Variants in CLASP1 observed in about 807,000 individuals in gnomAD.
CLASP1 encodes cytoplasmic linker associated protein 1.
CLASP1 carries 38 observed loss-of-function variants against 192.3 expected under a neutral mutation model. The ratio of observed to expected loss-of-function variants is 0.20; its 90% CI spans 0.15 to 0.26. The LOEUF (loss-of-function observed/expected upper bound fraction) is 0.26. CLASP1 is among the 10% of genes least tolerant of loss of function. The pLI is 1.00. For synonymous variants in CLASP1, 691 were observed against 712.8 expected (o/e 0.97, Z 0.49); for missense variants, 1,433 against 1,932.5 (o/e 0.74, Z 4.85).
chr2:121,593,095 A>AAG (rs1402654772), intron 2 of CLASP1, among the ~76,000 whole-genome samples: 1 of 152,208 alleles, frequency 6.6e-6, no homozygotes, highest in Non-Finnish European at 1.5e-5. Flanking sequence ...TTTTTGAAGA[A>AAG]ACCTGGCAAA....
chr2:121,493,538 A>C (rs2093407637), intron 8 of CLASP1, among the ~76,000 whole-genome samples: 1 of 152,212 alleles, frequency 6.6e-6, no homozygotes, highest in Non-Finnish European at 1.5e-5. Flanking sequence ...CAAACTATAA[A>C]ACTACTAAAA....
intron 34 of CLASP1, among the ~76,000 whole-genome samples, chr2:121,369,174 A>G (rs1235684228): frequency 1.3e-5 from 2 of 152,302 alleles, no homozygotes; most frequent in East Asian, 1.9e-4. Context: ...TGCTGCTATG[A>G]CACACTGGTG....
At chr2:121,482,043 CG>C (rs2092635449) in intron 8 of CLASP1, among the ~76,000 whole-genome samples, 1 of 152,174 alleles carries the variant, frequency 6.6e-6, no homozygotes, top group Non-Finnish European at 1.5e-5. Flanking sequence ...AACCAACCCT[CG>C]GATGTGACCC....
intron 8 of CLASP1, chr2:121,470,293 C>CTTT (rs70954550): frequency 0.024 from 7,525 of 307,986 alleles, 541 homozygotes; most frequent in Middle Eastern, 0.044. Flanking sequence ...ACCATCCATG[C>CTTT]TTTTTTTTTT....
rs1261636018 is a variant in CLASP1, at chr2:121,627,175, G to A, written c.-285-20995C>T. ...AAGACACAGCACAGCAGGAAAAGAG[G>A]AGAAACAACAAAATATGCGTAACCA... On this transcript the variant is annotated intron_variant, in intron 1 of 39. Transcript: ENST00000263710. Among the ~76,000 whole-genome samples, 4 of 152,306 alleles carry A rather than the reference G, an allele frequency of 2.6e-5. No homozygotes were observed. In the East Asian group the frequency reaches 5.8e-4, roughly 22 times the overall value.
intron 8 of CLASP1, among the ~76,000 whole-genome samples, chr2:121,498,754 A>T (rs899562391): frequency 6.6e-6 from 1 of 152,188 alleles, no homozygotes; most frequent in Non-Finnish European, 1.5e-5. Context: ...TGGGCAAAAG[A>T]TTTATTTGAA....
chr2:121,509,505 T>TG (rs2094048191), intron 7 of CLASP1, among the ~76,000 whole-genome samples: 1 of 152,122 alleles, frequency 6.6e-6, no homozygotes, highest in Non-Finnish European at 1.5e-5. Context: ...CATGGAACAT[T>TG]ATCCAGGAGT....
chr2:121,568,061 C>G (rs2059661603), intron 2 of CLASP1, among the ~76,000 whole-genome samples: 2 of 152,128 alleles, frequency 1.3e-5, no homozygotes, highest in Admixed American at 1.3e-4. Flanking sequence ...ATCAGAGTAT[C>G]CAGTTTCTAA....
intron 1 of CLASP1, among the ~76,000 whole-genome samples, chr2:121,622,950 G>A (rs750889851): frequency 3.9e-5 from 6 of 151,976 alleles, no homozygotes; most frequent in East Asian, 1.9e-4. Context: ...TTGGTCAAGC[G>A]CAGTGGCTCA....
At chr2:121,571,683 G>A (rs1237039061) in intron 2 of CLASP1, among the ~76,000 whole-genome samples, 1 of 152,178 alleles carries the variant, frequency 6.6e-6, no homozygotes, top group East Asian at 1.9e-4. Flanking sequence ...CTTCAATCAT[G>A]AAAAGAAGTT....
At chr2:121,394,417 T>G (rs1010881938) in intron 30 of CLASP1, among the ~76,000 whole-genome samples, 3 of 152,242 alleles carry the variant, frequency 2.0e-5, no homozygotes, top group African/African-American at 7.2e-5. Flanking sequence ...TTTCAGTACC[T>G]TCAATGTCAT....
intron 22 of CLASP1, 131 bp downstream of exon 22, chr2:121,425,008 C>G (rs2080143326): frequency 1.1e-6 from 1 of 905,692 alleles, no homozygotes; most frequent in Non-Finnish European, 1.7e-6. Flanking sequence ...GTATAAAGCA[C>G]ACCCAGGCAA....
chr2:121,461,724 A>G (rs1370757875), intron 10 of CLASP1, among the ~76,000 whole-genome samples: 4 of 152,310 alleles, frequency 2.6e-5, no homozygotes, highest in Admixed American at 2.0e-4. Context: ...TCTGTCGCCC[A>G]GGATGGAGTG....
chr2:121,365,271 A>C, exon 36 of CLASP1: 3 of 1,612,824 alleles, frequency 1.9e-6, no homozygotes, highest in Non-Finnish European at 2.5e-6. Context: ...CCAGGTCAGA[A>C]TGGTCGATGG....
intron 17 of CLASP1, among the ~76,000 whole-genome samples, chr2:121,448,611 C>T (rs2084829609): frequency 1.3e-5 from 2 of 152,208 alleles, no homozygotes; most frequent in African/African-American, 4.8e-5. Flanking sequence ...GAATGACCTC[C>T]ATTTCCAAAC....
At chr2:121,608,061 C>A (rs2064687365) in intron 1 of CLASP1, among the ~76,000 whole-genome samples, 1 of 152,194 alleles carries the variant, frequency 6.6e-6, no homozygotes, top group African/African-American at 2.4e-5. Context: ...GATCTGCTTT[C>A]CAGTCATGTC....
chr2:121,514,077 C>A (rs1048650781), intron 7 of CLASP1, among the ~76,000 whole-genome samples: 1 of 152,218 alleles, frequency 6.6e-6, no homozygotes, highest in Non-Finnish European at 1.5e-5. Flanking sequence ...GGAAAGCAGT[C>A]TCAGGCCAGC....
chr2:121,447,174 T>C (rs1045025492), intron 19 of CLASP1, among the ~76,000 whole-genome samples, 163 bp downstream of exon 19: 3 of 152,130 alleles, frequency 2.0e-5, no homozygotes, highest in Non-Finnish European at 1.5e-5. Flanking sequence ...TCAACAAGGG[T>C]GGCTGGCTGA....
chr2:121,586,896 G>A (rs1196581722), intron 2 of CLASP1, among the ~76,000 whole-genome samples: 1 of 152,174 alleles, frequency 6.6e-6, no homozygotes, highest in Non-Finnish European at 1.5e-5. Context: ...CAAGCAAGTT[G>A]GCTGATCCTG....
Sources: allele counts gnomAD v4.1 joint callset (sites outside exome capture counted in the v4.1 genomes callset), GRCh38; gene constraint gnomAD v4.1.1; transcripts MANE v1.5; gene names NCBI Gene and HGNC (gene_info 2026-07-23, HGNC 2026-07-21).